CPAMD8: variants seen among roughly 807,000 people sequenced by gnomAD.
CPAMD8 encodes the protein C3 and PZP like alpha-2-macroglobulin domain containing 8, also known as C3 and PZP-like alpha-2-macroglobulin domain-containing protein 8.
In CPAMD8, 146 loss-of-function variants were observed where a neutral mutation model predicts 224.7. The observed-to-expected ratio is 0.65, with a 90% CI of 0.57 to 0.75. The LOEUF is 0.75. Among genes scored for constraint, CPAMD8 ranks in the 30% least tolerant of loss-of-function variants. The probability of loss-of-function intolerance (pLI) is 0.00; values close to 1 mark genes in which losing one functional copy is unlikely to be tolerated. For synonymous variants in CPAMD8, 966 were observed against 1,044.6 expected (o/e 0.92, Z 1.45); for missense variants, 2,301 against 2,537.5 (o/e 0.91, Z 2.00).
intron 3 of CPAMD8, among the ~76,000 whole-genome samples, chr19:17,019,689 G>A (rs76236317): frequency 3.3e-5 from 5 of 151,606 alleles, no homozygotes; most frequent in African/African-American, 1.2e-4. Context: ...CCAAGTGGTT[G>A]TGAGAACAGG....
chr19:16,912,316 GC>G (rs991215580), intron 29 of CPAMD8, among the ~76,000 whole-genome samples: 14 of 152,174 alleles, frequency 9.2e-5, no homozygotes, highest in African/African-American at 3.4e-4. Context: ...AACAACTGCT[GC>G]CCTGCAGGGC....
At chr19:17,007,906 G>A (rs1048754065) in intron 7 of CPAMD8, among the ~76,000 whole-genome samples, 5 of 152,194 alleles carry the variant, frequency 3.3e-5, no homozygotes, top group South Asian at 2.1e-4. Context: ...GGTGGCTCAC[G>A]CCTGTAATCC....
intron 3 of CPAMD8, 47 bp downstream of exon 3, chr19:17,020,284 C>A: frequency 6.8e-7 from 1 of 1,473,462 alleles, no homozygotes; most frequent in Non-Finnish European, 9.5e-7. Flanking sequence ...CAATTCAATT[C>A]TTTATTTCCA....
chr19:16,972,584 G>C (rs990169783), intron 17 of CPAMD8, among the ~76,000 whole-genome samples: 2 of 151,868 alleles, frequency 1.3e-5, no homozygotes, highest in African/African-American at 2.4e-5. Context: ...ACTGGCGCCC[G>C]CCACCACGCC....
At chr19:16,937,430 A>G (rs2053731115) in intron 23 of CPAMD8, among the ~76,000 whole-genome samples, 2 of 152,000 alleles carry the variant, frequency 1.3e-5, no homozygotes, top group Non-Finnish European at 2.9e-5. Flanking sequence ...TGATCCATTT[A>G]GGGTTCATTC....
At chr19:16,945,084 G>A (rs2054026053) in intron 22 of CPAMD8, among the ~76,000 whole-genome samples, 2 of 152,162 alleles carry the variant, frequency 1.3e-5, no homozygotes, top group South Asian at 4.1e-4. Flanking sequence ...TGCTTCCCGA[G>A]ATCATGGGTA....
At position 16,997,317 on chromosome 19, in the gene CPAMD8, C is replaced by G. The variant is rs61744199; in HGVS notation, c.889G>C (p.Asp297His). 6.3e-7 allele frequency: 1 copy of G among 1,579,520 alleles called. No individual in the cohort carries two copies. The highest frequency in any genetic ancestry group is 1.3e-5 in the African/African-American group (1 of 74,512). Residue 297 changes from aspartate to histidine, a missense_variant, in exon 11 of 42, where the codon GAC becomes CAC. By Grantham distance (81) the Asp-to-His change is moderately conservative. Transcript: ENST00000443236. ...GGGATCATGTCCCTCACGCAGATGT[C>G]GAAGTCCCGGGAGCCGAGGATCTGG... ...TTKILGSRDF[D>H]ICVRDMIPAD...
chr19:16,937,650 C>CTT (rs550702792), intron 23 of CPAMD8, among the ~76,000 whole-genome samples: 8,877 of 116,732 alleles, frequency 0.076, 638 homozygotes, highest in Non-Finnish European at 0.12. Context: ...TAACTTCATA[C>CTT]TTTTTTTTTT....
chr19:17,021,918 A>T, intron 2 of CPAMD8, 112 bp downstream of exon 2: 3 of 456,428 alleles, frequency 6.6e-6, no homozygotes, highest in Non-Finnish European at 1.1e-5. Context: ...CTGGGGATTT[A>T]GGGCAGAAGG....
At chr19:16,906,399 T>TTCCTTCCTTCCTTCCTTCCTTCCTTCC (rs1568459809) in intron 30 of CPAMD8, among the ~76,000 whole-genome samples, 2 of 88,712 alleles carry the variant, frequency 2.3e-5, no homozygotes, top group African/African-American at 9.5e-5. Flanking sequence ...TCTTTCTTTC[T>TTCCTTCCTTCCTTCCTTCCTTCCTTCC]TTCTTTCTTT....
intron 32 of CPAMD8, 50 bp downstream of exon 32, chr19:16,904,176 A>ACCCCCCCCCCCCCCCCCCCCCCCCCCC: frequency 4.3e-6 from 4 of 937,336 alleles, no homozygotes; most frequent in African/African-American, 1.6e-5. Context: ...GACTGCAGGG[A>ACCCCCCCCCCCCCCCCCCCCCCCCCCC]CCCCACCCAC....
intron 19 of CPAMD8, among the ~76,000 whole-genome samples, chr19:16,952,924 C>G (rs990906860): frequency 4.6e-5 from 7 of 151,994 alleles, no homozygotes; most frequent in African/African-American, 7.2e-5. Flanking sequence ...GGTGGCCAAA[C>G]AAAGAAACCA....
intron 13 of CPAMD8, among the ~76,000 whole-genome samples, chr19:16,984,330 AAGAGAGAG>A (rs770216662): frequency 1.5e-5 from 2 of 132,558 alleles, no homozygotes; most frequent in Admixed American, 7.6e-5. Context: ...AAAAAAAAAA[AAGAGAGAG>A]AGAGAGAGAG....
At chr19:17,012,784 C>T (rs1474849022) in intron 3 of CPAMD8, among the ~76,000 whole-genome samples, 1 of 152,216 alleles carries the variant, frequency 6.6e-6, no homozygotes, top group Non-Finnish European at 1.5e-5. Flanking sequence ...CAAGTGAATT[C>T]ACAGCCTGTG....
intron 22 of CPAMD8, among the ~76,000 whole-genome samples, chr19:16,939,973 C>T (rs758872823): frequency 1.3e-5 from 2 of 151,672 alleles, no homozygotes; most frequent in African/African-American, 2.4e-5. Context: ...AGTGCAATGG[C>T]GCGATCTCGG....
chr19:16,955,001 G>A lies in CPAMD8; in HGVS notation c.2277-2801C>T, dbSNP rs191090752. 1.1e-3 allele frequency among the ~76,000 whole-genome samples: 172 copies of A among 152,318 alleles called. 2 individuals are homozygous for A. The Middle Eastern group carries it at 0.014, about 12-fold the overall frequency. On this transcript the variant is annotated intron_variant, in intron 19 of 41. Transcript: ENST00000443236. ...AAATTAGCAGGGCATGGTGGTGGGC[G>A]GCTGTGGTCCCAGCTACTCAGGAGG... is the stretch of plus-strand genomic sequence containing the variant.
At position 16,895,903 on chromosome 19, in the gene CPAMD8, G is replaced by GCGCA. The variant is rs755564239; in HGVS notation, c.5426+272_5426+273insTGCG. The GCGCA allele has an allele frequency of 3.5e-4, 185 of 524,904 alleles. 1 individual carries two copies. Among genetic ancestry groups the GCGCA allele is most frequent in the South Asian group, 2.2e-3 (136 of 60,516 alleles). 32.5% of individuals were successfully genotyped at this position (524,904 alleles called of 1,614,324 possible). A position where few individuals can be genotyped will look rare whatever the true frequency, so the allele number is the denominator to read the frequency against. On this transcript the variant is annotated intron_variant, in intron 41 of 41. Coordinates refer to ENST00000443236, the MANE Select transcript of CPAMD8 (RefSeq NM_015692.5). ...CCCGTATGCGCGCGCGCGCGCGCAC[G>GCGCA]CACACACACACACACACACACACAC...
intron 3 of CPAMD8, among the ~76,000 whole-genome samples, chr19:17,017,414 G>T (rs1027649520): frequency 1.3e-5 from 2 of 152,308 alleles, no homozygotes; most frequent in Non-Finnish European, 2.9e-5. Context: ...TCCCTGGTCC[G>T]TGGAAAAAAC....
chr19:16,936,885 G>A (rs1423761246), intron 23 of CPAMD8, among the ~76,000 whole-genome samples: 2 of 152,032 alleles, frequency 1.3e-5, no homozygotes, highest in Non-Finnish European at 2.9e-5. Context: ...AGTTTGAAGA[G>A]GTTTATTTAT....
Sources: gnomAD v4.1 joint callset for allele counts (sites outside exome capture counted in the v4.1 genomes callset) on GRCh38, gnomAD v4.1.1 for gene constraint, MANE v1.5 for transcripts, NCBI Gene and HGNC (gene_info 2026-07-23, HGNC 2026-07-21) for gene names.